The following KIF26A variants were observed in gnomAD, a reference collection of about 807,000 sequenced individuals.
KIF26A encodes the protein kinesin family member 26A.
A neutral mutation model predicts 126.0 loss-of-function variants in KIF26A; 74 were observed. The observed-to-expected ratio is 0.59, with a 90% confidence interval of 0.49 to 0.71. The LOEUF is 0.71. KIF26A is among the 30% of genes least tolerant of loss of function. KIF26A has a pLI of 0.00. For missense variants in KIF26A, 2,984 were observed against 2,763.3 expected (o/e 1.08, Z -1.79); for synonymous variants, 1,445 against 1,232.7 (o/e 1.17, Z -3.61).
intron 8 of KIF26A, 30 bp downstream of exon 8, chr14:104,173,269 G>A: frequency 1.2e-6 from 2 of 1,602,204 alleles, no homozygotes; most frequent in South Asian, 1.1e-5. Flanking sequence ...CACCTTGGGG[G>A]AGGGGGGCTG....
intron 12 of KIF26A, 112 bp from the exon 13 acceptor site, chr14:104,178,438 A>G: frequency 2.6e-6 from 2 of 779,736 alleles, no homozygotes; most frequent in East Asian, 3.1e-5. Context: ...CCTGGACTGG[A>G]TCCCGAAGGC....
chr14:104,163,732 C>G (rs759488373), intron 4 of KIF26A, among the ~76,000 whole-genome samples: 11 of 150,566 alleles, frequency 7.3e-5, no homozygotes, highest in Non-Finnish European at 1.3e-4. Context: ...GGCCCCGACC[C>G]CTGCTCTGAC....
chr14:104,140,753 T>C (rs1302931532), intron 2 of KIF26A, among the ~76,000 whole-genome samples: 2 of 152,142 alleles, frequency 1.3e-5, no homozygotes, highest in African/African-American at 4.8e-5. Flanking sequence ...AGACCACCCA[T>C]CTCCAGCCTC....
chr14:104,139,931 T>C (rs925277178), intron 2 of KIF26A, among the ~76,000 whole-genome samples: 4 of 152,144 alleles, frequency 2.6e-5, no homozygotes, highest in Non-Finnish European at 5.9e-5. Flanking sequence ...GGGGTTCTCC[T>C]GGATTTCCAG....
At chr14:104,170,296 C>T (rs985590643) in intron 5 of KIF26A, among the ~76,000 whole-genome samples, 2 of 152,126 alleles carry the variant, frequency 1.3e-5, no homozygotes, top group Admixed American at 6.5e-5. Context: ...ATCACGTCGT[C>T]GGGGGAATAA....
In KIF26A at chr14:104,175,163, A is replaced by G. The variant is rs767148909; in HGVS notation, c.2375A>G (p.Tyr792Cys). 34 of 1,607,500 alleles carry G rather than the reference A, an allele frequency of 2.1e-5. No homozygotes were observed. In the East Asian group the frequency reaches 6.9e-4, roughly 33 times the overall value. ...SSEQSCDTVI[Y>C]VGPGGAALSD... ...GAGCAGTCCTGTGACACGGTCATCT[A>G]CGTGGGGCCCGGTGGGGCGGCGCTG... Residue 792 changes from tyrosine (Y) to cysteine (C), a missense_variant, in exon 12 of 15, where the codon TAC (tyrosine) becomes TGC (cysteine). Coordinates refer to ENST00000423312, the MANE Select transcript of KIF26A (RefSeq NM_015656.2).
intron 5 of KIF26A, 61 bp from the exon 6 acceptor site, chr14:104,171,662 C>G: frequency 7.0e-7 from 1 of 1,431,900 alleles, no homozygotes; most frequent in Non-Finnish European, 9.5e-7. Flanking sequence ...CCCTCCTGCC[C>G]TGTAATTAGT....
chr14:104,149,023 G>A (rs2037704314), intron 2 of KIF26A, among the ~76,000 whole-genome samples: 1 of 152,220 alleles, frequency 6.6e-6, no homozygotes, highest in African/African-American at 2.4e-5. Flanking sequence ...CTGTGGTTCT[G>A]TTCTACCCGA....
At position 104,177,212 on chromosome 14, in the gene KIF26A, G is replaced by T; in HGVS notation, c.4424G>T (p.Gly1475Val). Reference sequence around the variant, plus strand: ...GTGCCACCCTCCAGCCCCACACACGGTCCAGCTCCCGCCTGTAGGAGCGGC... The same window carrying T: ...GTGCCACCCTCCAGCCCCACACACGTTCCAGCTCCCGCCTGTAGGAGCGGC... ...LGVPPSSPTH[G>V]PAPACRSGAA... The change falls in exon 12 of 15, where the codon GGT becomes GTT. Residue 1475 changes from glycine to valine, a missense_variant. By Grantham distance (109) the Gly-to-Val change is moderately radical. Coordinates refer to ENST00000423312, the MANE Select transcript of KIF26A (RefSeq NM_015656.2). 6.3e-7 allele frequency: 1 copy of T among 1,593,788 alleles called. No individual in the cohort carries two copies.
rs1218918087 is a variant in KIF26A, at chr14:104,151,925, C to T, written c.289-90C>T. 29 of 1,154,094 alleles carry T rather than the reference C, an allele frequency of 2.5e-5. No individual in the cohort carries two copies. The highest frequency in any genetic ancestry group is 3.7e-5 in the Non-Finnish European group (29 of 777,244). 71.5% of individuals were successfully genotyped at this position (1,154,094 alleles called of 1,614,324 possible). A position where few individuals can be genotyped will look rare whatever the true frequency, so the allele number is the denominator to read the frequency against. On this transcript the variant is annotated intron_variant, in intron 2 of 14. Coordinates refer to ENST00000423312, the MANE Select transcript of KIF26A (RefSeq NM_015656.2). This position sits in a 1 kb window ranked among gnomAD's most constrained non-coding sequence, Gnocchi z 4.9. Reference sequence around the variant, plus strand: ...GCGGTGGCCAGGCGGGAGCTCGCAGCGTCATGGACGGTGAGAGTGCTGGTG... The same window carrying T: ...GCGGTGGCCAGGCGGGAGCTCGCAGTGTCATGGACGGTGAGAGTGCTGGTG...
chr14:104,179,188 C>T (rs1596153642), intron 13 of KIF26A, 48 bp from the exon 14 acceptor site: 3 of 1,421,242 alleles, frequency 2.1e-6, no homozygotes, highest in Non-Finnish European at 2.7e-6. Flanking sequence ...TTGGGGGTCT[C>T]TGGGGAGAGG....
intron 13 of KIF26A, among the ~76,000 whole-genome samples, 160 bp from the exon 14 acceptor site, chr14:104,179,076 G>A (rs915766028): frequency 1.3e-5 from 2 of 152,164 alleles, no homozygotes; most frequent in African/African-American, 4.8e-5. Context: ...GACGGGCATG[G>A]GTGGGCTGCC....
At chr14:104,168,425 T>A (rs1596145163) in intron 5 of KIF26A, among the ~76,000 whole-genome samples, 2 of 152,108 alleles carry the variant, frequency 1.3e-5, no homozygotes, top group Admixed American at 1.3e-4. Context: ...TCTGGGGCAG[T>A]GGTGGGTCCC....
Position 104,148,246 on chromosome 14 carries a change from G to A in KIF26A, c.289-3769G>A, listed in dbSNP as rs1299271180. Among the ~76,000 whole-genome samples the A allele has an allele frequency of 2.0e-5, 3 of 152,176 alleles. No individual in the cohort carries two copies. Among genetic ancestry groups the A allele is most frequent in the Non-Finnish European group, 4.4e-5 (3 of 68,028 alleles). ...CAAAGTCATGATTTGTAAGTAGGGGGGAGACTCCCTAAAACCCAGGCGCGC... is the reference window on the plus strand; with the variant it reads ...CAAAGTCATGATTTGTAAGTAGGGGAGAGACTCCCTAAAACCCAGGCGCGC... On this transcript the variant is annotated intron_variant, in intron 2 of 14. Coordinates refer to ENST00000423312, the MANE Select transcript of KIF26A (RefSeq NM_015656.2). The surrounding 1 kb of genome is among the most constrained non-coding windows in gnomAD (Gnocchi z 4.3).
chr14:104,139,971 A>G (rs1276027824), intron 2 of KIF26A, among the ~76,000 whole-genome samples: 2 of 152,172 alleles, frequency 1.3e-5, no homozygotes, highest in Admixed American at 6.5e-5. Context: ...TGGAGGGAGC[A>G]GGGACCATTG....
rs1351509026 is a variant in KIF26A, at chr14:104,177,817, C to T, written c.5029C>T (p.Pro1677Ser). 1.9e-6 allele frequency: 3 copies of T among 1,570,460 alleles called. No individual in the cohort carries two copies. Among genetic ancestry groups the T allele is most frequent in the Non-Finnish European group, 1.7e-6 (2 of 1,166,606 alleles). The change falls in exon 12 of 15, where the codon CCT becomes TCT. Residue 1677 changes from proline to serine, a missense_variant. Pro to Ser is a moderately conservative substitution (Grantham distance 74, BLOSUM62 -1). Coordinates refer to ENST00000423312, the MANE Select transcript of KIF26A (RefSeq NM_015656.2). ...GGCCACCGGCAGCGCCTCCTCCGCC[C>T]CTGACTCCATGAGCGAGAGTGGGGC... ...SEATGSASSAPDSMSESGAAS... is the reference protein window; with the variant it reads ...SEATGSASSASDSMSESGAAS...
At chr14:104,140,199 T>C (rs962817681) in intron 2 of KIF26A, among the ~76,000 whole-genome samples, 6 of 151,996 alleles carry the variant, frequency 3.9e-5, no homozygotes, top group African/African-American at 1.5e-4. Flanking sequence ...TGGGGCAGGG[T>C]ACCAGTCTGG....
At position 104,175,573 on chromosome 14, in the gene KIF26A, G is replaced by T. The variant is rs745701613; in HGVS notation, c.2785G>T (p.Ala929Ser). Residue 929 changes from alanine to serine, a missense_variant, in exon 12 of 15, where the codon GCT (alanine) becomes TCT (serine). By Grantham distance (99) the Ala-to-Ser change is moderately conservative. Coordinates refer to ENST00000423312, the MANE Select transcript of KIF26A (RefSeq NM_015656.2). ...VWGDQREDSS[A>S]WPELLVPEKA... ...GGGTGACCAGAGAGAGGACAGCAGC[G>T]CTTGGCCTGAGCTGCTGGTCCCGGA... 2 of 1,607,556 alleles carry T rather than the reference G, an allele frequency of 1.2e-6. No homozygotes were observed. Among genetic ancestry groups the T allele is most frequent in the Admixed American group, 3.3e-5 (2 of 59,986 alleles).
In KIF26A at chr14:104,177,871, C is replaced by G; in HGVS notation, c.5083C>G (p.Leu1695Val). ...AASPGARTRS[L>V]KSPKKRATGL... ...CTCCCCAGGCGCCCGCACCCGCAGC[C>G]TCAAGTCCCCCAAGAAGAGGGCCAC... The change falls in exon 12 of 15, where the codon CTC becomes GTC. Residue 1695 changes from leucine (L) to valine (V), a missense_variant. Leu to Val is a conservative substitution (Grantham distance 32). Coordinates refer to ENST00000423312, the MANE Select transcript of KIF26A (RefSeq NM_015656.2). 1 of 1,550,794 alleles carries G rather than the reference C, an allele frequency of 6.4e-7. No homozygotes were observed. Among genetic ancestry groups the G allele is most frequent in the Non-Finnish European group, 8.7e-7 (1 of 1,155,572 alleles).
Sources: allele counts gnomAD v4.1 joint callset (sites outside exome capture counted in the v4.1 genomes callset), GRCh38; gene constraint gnomAD v4.1.1; non-coding constraint Gnocchi (gnomAD v3.1); transcripts MANE v1.5; gene names NCBI Gene and HGNC (gene_info 2026-07-23, HGNC 2026-07-21).